Variants in SRGAP1 observed in about 807,000 individuals in gnomAD.
The protein encoded by SRGAP1 is SLIT-ROBO Rho GTPase-activating protein 1.
SRGAP1 carries 43 observed loss-of-function variants against 121.9 expected under a neutral mutation model. That is an observed-to-expected ratio of 0.35 (90% confidence interval 0.28 to 0.46). SRGAP1 has a LOEUF of 0.46. SRGAP1 is among the 20% of genes least tolerant of loss of function. The pLI, the probability that SRGAP1 is intolerant of heterozygous loss-of-function variation, is 1.00. For missense variants in SRGAP1, 1,102 were observed against 1,350.9 expected, an observed-to-expected ratio of 0.82 and a Z score of 2.89; for synonymous variants, 447 against 485.4, an observed-to-expected ratio of 0.92 and a Z score of 1.04.
chr12:63,905,619 G>A (rs1297611931), intron 1 of SRGAP1, among the ~76,000 whole-genome samples: 1 of 152,150 alleles, frequency 6.6e-6, no homozygotes, highest in African/African-American at 2.4e-5. Context: ...GAGTCAGTAC[G>A]TCGGAAAGGA....
intron 8 of SRGAP1, among the ~76,000 whole-genome samples, chr12:64,071,235 A>G (rs373461466): frequency 1.3e-5 from 2 of 152,342 alleles, no homozygotes; most frequent in African/African-American, 4.8e-5. Flanking sequence ...GAATACCAAG[A>G]GAAATGAAGA....
chr12:64,003,800 T>G (rs1474504453), intron 3 of SRGAP1, among the ~76,000 whole-genome samples: 2 of 151,648 alleles, frequency 1.3e-5, no homozygotes, highest in Non-Finnish European at 2.9e-5. Context: ...GAAAAATAAT[T>G]GCAAGAAAAT....
At position 64,091,289 on chromosome 12, in the gene SRGAP1, C is replaced by T. The variant is rs765470955; in HGVS notation, c.1450C>T (p.Pro484Ser). ...CCCTTCCCTTAGGCCTCCAAATGTTCCCCCTAAGCCCCAGAAACACAGGAA... is the reference window on the plus strand; with the variant it reads ...CCCTTCCCTTAGGCCTCCAAATGTTTCCCCTAAGCCCCAGAAACACAGGAA... ...EYMTTRPPNVPPKPQKHRKSR... is the reference protein window; with the variant it reads ...EYMTTRPPNVSPKPQKHRKSR... The change falls in exon 12 of 22, where the codon CCC (proline) becomes TCC (serine). Residue 484 changes from proline to serine, a missense_variant. Pro to Ser is a moderately conservative substitution (Grantham distance 74). This residue lies in a region of SRGAP1 where 747 missense variants were observed against 929.4 expected (regional missense o/e 0.80). Coordinates refer to ENST00000355086, the MANE Select transcript of SRGAP1 (RefSeq NM_020762.4). 13 of 1,595,706 alleles carry T rather than the reference C, an allele frequency of 8.1e-6. No homozygotes were observed. The highest frequency in any genetic ancestry group is 1.1e-5 in the Non-Finnish European group (13 of 1,168,256).
intron 1 of SRGAP1, among the ~76,000 whole-genome samples, chr12:63,901,925 GA>G (rs1235892107): frequency 2.8e-4 from 42 of 152,286 alleles, no homozygotes; most frequent in African/African-American, 9.1e-4. Flanking sequence ...TGTTCTTCAT[GA>G]AAATTTAAAC....
chr12:64,100,537 T>C (rs2036237264), intron 15 of SRGAP1, among the ~76,000 whole-genome samples: 1 of 152,222 alleles, frequency 6.6e-6, no homozygotes, highest in Admixed American at 6.5e-5. Context: ...AATCCTTGGA[T>C]TTTAATAGGA....
At chr12:63,972,916 G>A (rs960998173) in intron 1 of SRGAP1, among the ~76,000 whole-genome samples, 5 of 151,996 alleles carry the variant, frequency 3.3e-5, no homozygotes, top group African/African-American at 1.2e-4. Context: ...GGGAGGCCGA[G>A]GTGGGCAGAT....
chr12:64,136,538 G>T (rs1489508664), intron 21 of SRGAP1, among the ~76,000 whole-genome samples: 1 of 152,148 alleles, frequency 6.6e-6, no homozygotes, highest in Non-Finnish European at 1.5e-5. Flanking sequence ...TTAAAGATGG[G>T]TTATTTTTAA....
At chr12:64,112,685 C>T (rs181268219) in intron 17 of SRGAP1, among the ~76,000 whole-genome samples, 1 of 152,258 alleles carries the variant, frequency 6.6e-6, no homozygotes, top group Admixed American at 6.5e-5. Flanking sequence ...ACTAATGCTA[C>T]AATAAATATG....
intron 6 of SRGAP1, 49 bp downstream of exon 6, chr12:64,043,624 A>T: frequency 6.9e-7 from 1 of 1,450,662 alleles, no homozygotes; most frequent in East Asian, 2.3e-5. Context: ...GAAATTAACA[A>T]TAACCATATT....
At chr12:64,092,506 G>A (rs1433953780) in intron 12 of SRGAP1, among the ~76,000 whole-genome samples, 3 of 146,640 alleles carry the variant, frequency 2.0e-5, no homozygotes, top group Non-Finnish European at 3.0e-5. Context: ...ACATACATAT[G>A]TACATAGATT....
intron 1 of SRGAP1, among the ~76,000 whole-genome samples, chr12:63,877,704 G>A (rs547347642): frequency 6.6e-6 from 1 of 152,310 alleles, no homozygotes; most frequent in Non-Finnish European, 1.5e-5. Flanking sequence ...GTGTGGTGGT[G>A]TCTACTGGCA....
chr12:64,005,389 TCCCTG>T (rs1190807234), intron 3 of SRGAP1, among the ~76,000 whole-genome samples: 2 of 152,184 alleles, frequency 1.3e-5, no homozygotes, highest in Non-Finnish European at 2.9e-5. Context: ...ACATCTGTAA[TCCCTG>T]CACTTTGAGA....
At chr12:63,884,971 C>T (rs1032984859) in intron 1 of SRGAP1, among the ~76,000 whole-genome samples, 11 of 152,206 alleles carry the variant, frequency 7.2e-5, no homozygotes, top group African/African-American at 2.2e-4. Flanking sequence ...CCGCCCGCCT[C>T]GGCCTCCCAA....
intron 1 of SRGAP1, among the ~76,000 whole-genome samples, chr12:63,939,026 T>TG (rs60108846): frequency 0.17 from 25,231 of 150,392 alleles, 3,107 homozygotes; most frequent in African/African-American, 0.35. Flanking sequence ...TGTGATGGCT[T>TG]TGCCTGTAGT....
intron 1 of SRGAP1, among the ~76,000 whole-genome samples, chr12:63,928,416 A>G (rs1047907683): frequency 2.7e-4 from 41 of 152,228 alleles, no homozygotes; most frequent in Admixed American, 2.7e-3. Flanking sequence ...AAAACTGGAA[A>G]CAACTCAAAC....
At chr12:64,004,243 G>T (rs1033788189) in intron 3 of SRGAP1, among the ~76,000 whole-genome samples, 2 of 152,114 alleles carry the variant, frequency 1.3e-5, no homozygotes, top group Non-Finnish European at 2.9e-5. Context: ...AGGTCAGAAG[G>T]CACGCAGTCC....
intron 1 of SRGAP1, among the ~76,000 whole-genome samples, chr12:63,970,325 G>C (rs769279021): frequency 2.6e-5 from 4 of 152,190 alleles, no homozygotes; most frequent in African/African-American, 4.8e-5. Context: ...TTATGCATCT[G>C]ATCATGTTTA....
At chr12:63,935,541 G>A (rs945910680) in intron 1 of SRGAP1, among the ~76,000 whole-genome samples, 1 of 152,120 alleles carries the variant, frequency 6.6e-6, no homozygotes, top group East Asian at 1.9e-4. Context: ...GCAGTAGAAT[G>A]GCTTCAATTA....
chr12:64,082,110 A>T (rs946691554), intron 10 of SRGAP1, among the ~76,000 whole-genome samples: 1 of 147,820 alleles, frequency 6.8e-6, no homozygotes, highest in East Asian at 2.1e-4. Context: ...AGTGTAGATG[A>T]ACGCTTATAG....
Sources: allele counts gnomAD v4.1 joint callset (sites outside exome capture counted in the v4.1 genomes callset), GRCh38; gene constraint gnomAD v4.1.1; regional missense constraint gnomAD v4.1.1; transcripts MANE v1.5; gene names NCBI Gene and HGNC (gene_info 2026-07-23, HGNC 2026-07-21).